Variants in DCLK1 observed in about 807,000 individuals in gnomAD.
DCLK1 encodes the protein serine/threonine-protein kinase DCLK1.
DCLK1 carries 16 observed loss-of-function variants against 86.2 expected under a neutral mutation model. The observed-to-expected ratio is 0.19, with a 90% CI of 0.13 to 0.28. The LOEUF (loss-of-function observed/expected upper bound fraction) is 0.28, where lower values mean the gene tolerates loss of function less well. Ranked by LOEUF, DCLK1 falls within the 10% of genes least tolerant of loss-of-function variation. The probability of loss-of-function intolerance (pLI) is 1.00; values close to 1 mark genes in which losing one functional copy is unlikely to be tolerated. For synonymous variants in DCLK1, 369 were observed against 370.5 expected, an observed-to-expected ratio of 1.00 and a Z score of 0.05; for missense variants, 590 against 940.2, an observed-to-expected ratio of 0.63 and a Z score of 4.87.
intron 4 of DCLK1, among the ~76,000 whole-genome samples, chr13:35,875,434 T>G (rs192393409): frequency 1.6e-4 from 25 of 152,272 alleles, no homozygotes; most frequent in Admixed American, 1.2e-3. Context: ...GGTGCCAGAG[T>G]TGCTAGCTGT....
At chr13:35,956,628 T>C (rs1877992721) in intron 3 of DCLK1, among the ~76,000 whole-genome samples, 1 of 152,300 alleles carries the variant, frequency 6.6e-6, no homozygotes, top group African/African-American at 2.4e-5. Flanking sequence ...TCATCACCAA[T>C]GCCAAGAGGT....
chr13:35,804,430 A>T (rs953518440), intron 15 of DCLK1, among the ~76,000 whole-genome samples: 1 of 151,556 alleles, frequency 6.6e-6, no homozygotes, highest in Non-Finnish European at 1.5e-5. Context: ...CACTGTGCCC[A>T]GCCTACTATT....
chr13:35,945,366 G>A (rs745523165), intron 4 of DCLK1, among the ~76,000 whole-genome samples: 29 of 152,118 alleles, frequency 1.9e-4, no homozygotes, highest in Non-Finnish European at 3.1e-4. Flanking sequence ...GGTGGAGAGC[G>A]CATTGGCTGT....
At chr13:36,064,331 A>G (rs1040822879) in intron 3 of DCLK1, among the ~76,000 whole-genome samples, 3 of 152,234 alleles carry the variant, frequency 2.0e-5, no homozygotes, top group Non-Finnish European at 2.9e-5. Context: ...TTTCCTGCAG[A>G]TAAGACAAAG....
At chr13:36,111,077 GC>G (rs978379165) in intron 3 of DCLK1, among the ~76,000 whole-genome samples, 9 of 151,692 alleles carry the variant, frequency 5.9e-5, no homozygotes, top group African/African-American at 2.2e-4. Flanking sequence ...CTCGTGATCC[GC>G]CTGCCTCGGC....
intron 3 of DCLK1, among the ~76,000 whole-genome samples, chr13:35,996,985 C>T (rs1487689514): frequency 2.6e-5 from 4 of 152,160 alleles, no homozygotes; most frequent in Non-Finnish European, 5.9e-5. Context: ...CTTTAAAGCC[C>T]CTTAACCACT....
chr13:35,925,139 A>C (rs1876038466), intron 4 of DCLK1, among the ~76,000 whole-genome samples: 1 of 152,216 alleles, frequency 6.6e-6, no homozygotes, highest in Non-Finnish European at 1.5e-5. Flanking sequence ...CCTGGCTCTG[A>C]TACATTTGCA....
chr13:35,876,063 CA>C (rs1196940825), intron 4 of DCLK1, among the ~76,000 whole-genome samples: 3 of 152,028 alleles, frequency 2.0e-5, no homozygotes, highest in African/African-American at 7.3e-5. Context: ...GATGGTGCAT[CA>C]GGGGAAGAAC....
intron 4 of DCLK1, among the ~76,000 whole-genome samples, chr13:35,894,929 A>C (rs1873863219): frequency 6.6e-6 from 1 of 152,182 alleles, no homozygotes; most frequent in African/African-American, 2.4e-5. Flanking sequence ...AATCATATTC[A>C]AGTAGACTTT....
At position 36,033,129 on chromosome 13, in the gene DCLK1, T is replaced by G. The variant is rs148442528; in HGVS notation, c.723+78740A>C. Among the ~76,000 whole-genome samples, 79 of 152,300 alleles carry G rather than the reference T, an allele frequency of 5.2e-4. No homozygotes were observed. The Middle Eastern group carries it at 0.014, about 26-fold the overall frequency. On this transcript the variant is annotated intron_variant, in intron 3 of 16. Transcript: ENST00000360631. ...TTCTTTCTTGGCCTACACTCACGCT[T>G]TTAAAATATGAACCACTTAACGACA...
intron 8 of DCLK1, among the ~76,000 whole-genome samples, chr13:35,828,920 G>C (rs1214134631): frequency 6.6e-6 from 1 of 152,146 alleles, no homozygotes; most frequent in Admixed American, 6.5e-5. Flanking sequence ...TTAGACCTCA[G>C]TTCAGTGTGA....
At chr13:35,973,612 G>T (rs993200997) in intron 3 of DCLK1, among the ~76,000 whole-genome samples, 4 of 152,292 alleles carry the variant, frequency 2.6e-5, no homozygotes, top group South Asian at 4.1e-4. Context: ...AAAAGAAGGT[G>T]CTCAACAAAT....
At chr13:36,060,491 C>A (rs1355208457) in intron 3 of DCLK1, among the ~76,000 whole-genome samples, 1 of 152,066 alleles carries the variant, frequency 6.6e-6, no homozygotes, top group African/African-American at 2.4e-5. Flanking sequence ...GTTTATCAAA[C>A]ACAGACATTC....
At chr13:35,855,748 G>C (rs1324420988) in intron 5 of DCLK1, 1 of 1,325,148 alleles carries the variant, frequency 7.5e-7, no homozygotes, top group Non-Finnish European at 9.7e-7. Flanking sequence ...TTCTGTCTTA[G>C]GCTACATCAA....
chr13:35,852,013 G>T (rs572443731), intron 6 of DCLK1, among the ~76,000 whole-genome samples: 1 of 152,170 alleles, frequency 6.6e-6, no homozygotes, highest in South Asian at 2.1e-4. Context: ...GTGTGTGTGT[G>T]TGTGTGTGTG....
chr13:36,057,961 G>C (rs1415095697), intron 3 of DCLK1, among the ~76,000 whole-genome samples: 1 of 152,132 alleles, frequency 6.6e-6, no homozygotes, highest in Non-Finnish European at 1.5e-5. Context: ...ATATTTTGGG[G>C]GGGATAAGAC....
chr13:35,791,865 T>C (rs2086712797), intron 16 of DCLK1, among the ~76,000 whole-genome samples: 1 of 152,192 alleles, frequency 6.6e-6, no homozygotes, highest in African/African-American at 2.4e-5. Context: ...TGGCAGTCCA[T>C]TCCAAAAGAA....
At chr13:36,014,166 C>T (rs1881431758) in intron 3 of DCLK1, among the ~76,000 whole-genome samples, 1 of 152,210 alleles carries the variant, frequency 6.6e-6, no homozygotes, top group Non-Finnish European at 1.5e-5. Context: ...AATCACCCGT[C>T]TTCTGCGTCG....
intron 3 of DCLK1, among the ~76,000 whole-genome samples, chr13:35,981,163 TCTTA>T (rs2153141594): frequency 6.6e-6 from 1 of 152,156 alleles, no homozygotes; most frequent in Non-Finnish European, 1.5e-5. Context: ...GCAGCCCAGT[TCTTA>T]ACCAGGGGTT....
Sources: gnomAD v4.1 joint callset for allele counts (sites outside exome capture counted in the v4.1 genomes callset) on GRCh38, gnomAD v4.1.1 for gene constraint, MANE v1.5 for transcripts, NCBI Gene and HGNC (gene_info 2026-07-23, HGNC 2026-07-21) for gene names.